Variants in NALF2 observed in about 807,000 individuals in gnomAD.
NALF2 encodes the protein NALCN channel auxiliary factor 2.
A neutral mutation model predicts 24.8 loss-of-function variants in NALF2; 1 was observed. The ratio of observed to expected loss-of-function variants is 0.04; its 90% CI spans 0.01 to 0.19. The LOEUF is 0.19. Ranked by LOEUF, NALF2 falls within the 10% of genes least tolerant of loss-of-function variation. The probability of loss-of-function intolerance (pLI) is 1.00; values close to 1 mark genes in which losing one functional copy is unlikely to be tolerated. For missense variants in NALF2, 458 were observed against 409.6 expected, an observed-to-expected ratio of 1.12 and a Z score of -1.02; for synonymous variants, 254 against 189.8, an observed-to-expected ratio of 1.34 and a Z score of -2.78.
chrX:69,527,805 G>A (rs796537848), intron 1 of NALF2, among the ~76,000 whole-genome samples: 1 of 111,068 alleles, frequency 9.0e-6, no homozygotes, highest in African/African-American at 3.3e-5. Context: ...TTGGCAGGTC[G>A]GGGGTGGAGC....
intron 1 of NALF2, among the ~76,000 whole-genome samples, chrX:69,521,710 A>AAC (rs776839895): frequency 8.0e-5 from 9 of 112,308 alleles, no homozygotes; most frequent in Non-Finnish European, 1.3e-4. Context: ...ATTTCCACTG[A>AAC]ATATATATTG....
chrX:69,505,355 T>C lies in NALF2; in HGVS notation c.73T>C (p.Trp25Arg). The change falls in exon 1 of 3, where the codon TGG becomes CGG. Residue 25 changes from tryptophan to arginine, a missense_variant. Transcript: ENST00000252338. ...GACTATCTGCTGCTGCTGCTGCTGC[T>C]GGGCTCCCAGGCCGAGCGACAAACC... ...ALTICCCCCC[W>R]APRPSDKPCA... The C allele has an allele frequency of 8.7e-7, 1 of 1,155,916 alleles. No homozygotes were observed. Among genetic ancestry groups the C allele is most frequent in the Non-Finnish European group, 1.2e-6 (1 of 867,894 alleles).
intron 1 of NALF2, among the ~76,000 whole-genome samples, chrX:69,526,700 T>C (rs1322424334): frequency 9.0e-6 from 1 of 110,716 alleles, no homozygotes. Context: ...GGAGATCCTC[T>C]CTGAGGAGAG....
intron 1 of NALF2, 123 bp from the exon 2 acceptor site, chrX:69,528,870 C>T (rs990528288): frequency 1.2e-5 from 8 of 653,723 alleles, no homozygotes; most frequent in Non-Finnish European, 1.8e-5. Flanking sequence ...CTCTCTACCC[C>T]CTGGATCTTG....
intron 1 of NALF2, among the ~76,000 whole-genome samples, chrX:69,511,402 A>C (rs1930580962): frequency 1.9e-5 from 2 of 107,722 alleles, no homozygotes; most frequent in African/African-American, 6.8e-5. Context: ...CCTCTCTTCC[A>C]CCCTCTTTCC....
chrX:69,520,256 GTGTC>G (rs1341953486), intron 1 of NALF2, among the ~76,000 whole-genome samples: 4 of 112,077 alleles, frequency 3.6e-5, no homozygotes, highest in Non-Finnish European at 7.5e-5. Context: ...CTCATGATAC[GTGTC>G]TGAAACAGGT....
At position 69,531,857 on chromosome X, in the gene NALF2, G is replaced by C. The variant is rs1452411271; in HGVS notation, c.*1901G>C. 1 of 112,016 alleles carries C rather than the reference G, an allele frequency of 8.9e-6. No homozygotes were observed. The highest frequency in any genetic ancestry group is 1.9e-5 in the Non-Finnish European group (1 of 53,156). The allele number at this position is 112,016 out of a possible 1,213,427, so 9.2% of individuals were successfully genotyped here. On this transcript the variant is annotated 3_prime_UTR_variant, in exon 3 of 3. Transcript: ENST00000252338. The stretch of plus-strand genomic sequence containing the variant: ...GAGTGCTCTTTTCAGCTGGGGAGGG[G>C]AAGAGGTGCTGGCTCCTTTCCAGAC...
intron 2 of NALF2, 69 bp downstream of exon 2, chrX:69,529,233 TGGGAGCA>T (rs1930856930): frequency 1.9e-6 from 2 of 1,074,898 alleles, no homozygotes; most frequent in Non-Finnish European, 2.5e-6. Flanking sequence ...TCAGAGGAGT[TGGGAGCA>T]GGGATAACAA....
intron 1 of NALF2, among the ~76,000 whole-genome samples, chrX:69,524,329 C>G (rs753405425): frequency 9.0e-6 from 1 of 110,550 alleles, no homozygotes; most frequent in South Asian, 3.9e-4. Flanking sequence ...TGGACTCAAG[C>G]AATCCACCAG....
At chrX:69,516,376 C>T (rs1431497584) in intron 1 of NALF2, among the ~76,000 whole-genome samples, 1 of 112,254 alleles carries the variant, frequency 8.9e-6, no homozygotes, top group Non-Finnish European at 1.9e-5. Context: ...CAGGTGGTGA[C>T]TTGTCCAAAT....
At chrX:69,511,147 C>T (rs1378695117) in intron 1 of NALF2, among the ~76,000 whole-genome samples, 2 of 109,635 alleles carry the variant, frequency 1.8e-5, no homozygotes. Flanking sequence ...CAGTTATCTC[C>T]ACCCCCTTCC....
intron 1 of NALF2, among the ~76,000 whole-genome samples, chrX:69,508,150 G>T (rs1338673812): frequency 9.0e-6 from 1 of 111,485 alleles, no homozygotes; most frequent in African/African-American, 3.3e-5. Context: ...CCACATCCTG[G>T]GTCTTTTGTG....
rs1214136128 is a variant in NALF2 at position 69,504,796 on chromosome X, GGGAGC to G, written c.-475_-471del. On this transcript the variant is annotated 5_prime_UTR_variant, in exon 1 of 3. Coordinates refer to ENST00000252338, the MANE Select transcript of NALF2 (RefSeq NM_015686.3). ...CGGGAGCGGAGCGGCGCGGGGCGAG[GGGAGC>G]GGAGCGGAGCGCGGCGGCGGGGCCC... Among the ~76,000 whole-genome samples the G allele has an allele frequency of 6.4e-5, 7 of 108,894 alleles. No homozygotes were observed. The highest frequency in any genetic ancestry group is 2.3e-4 in the African/African-American group (7 of 30,544). The allele number at this position is 108,894 out of a possible 115,157, so 94.6% of individuals were successfully genotyped here. A position where few individuals can be genotyped will look rare whatever the true frequency, so the allele number is the denominator to read the frequency against.
rs1044959512 is a variant in NALF2, at chrX:69,505,808, C to A, written c.526C>A (p.Pro176Thr). The A allele has an allele frequency of 8.3e-7, 1 of 1,211,034 alleles. No individual in the cohort carries two copies. Among genetic ancestry groups the A allele is most frequent in the Non-Finnish European group, 1.1e-6 (1 of 894,760 alleles). The change falls in exon 1 of 3, where the codon CCG becomes ACG. Residue 176 changes from proline (P) to threonine (T), a missense_variant. Pro to Thr is a conservative substitution (Grantham distance 38, BLOSUM62 -1). Coordinates refer to ENST00000252338, the MANE Select transcript of NALF2 (RefSeq NM_015686.3). ...GCCCCCTGACTCCCTTTCCCGTGCC[C>A]CGGCCGAGTTCCCCTCCGCCAAAAA... is the stretch of plus-strand genomic sequence containing the variant. The part of the protein sequence containing the change: ...LRPPDSLSRA[P>T]AEFPSAKKNL...
At chrX:69,526,952 A>G (rs1300793385) in intron 1 of NALF2, among the ~76,000 whole-genome samples, 1 of 112,404 alleles carries the variant, frequency 8.9e-6, no homozygotes, top group Non-Finnish European at 1.9e-5. Context: ...GGAGCAAAGG[A>G]GTAACATGAG....
intron 1 of NALF2, among the ~76,000 whole-genome samples, chrX:69,509,310 C>T (rs5981243): frequency 0.17 from 18,807 of 108,784 alleles, 1,295 homozygotes; most frequent in African/African-American, 0.18. Context: ...ACTGGACAAC[C>T]ACCACACTCC....
At chrX:69,516,191 A>C (rs1175863462) in intron 1 of NALF2, among the ~76,000 whole-genome samples, 1 of 112,118 alleles carries the variant, frequency 8.9e-6, no homozygotes, top group Non-Finnish European at 1.9e-5. Context: ...AACCAGTATG[A>C]GCAAACCTAG....
chrX:69,518,148 A>G (rs1930688209), intron 1 of NALF2, among the ~76,000 whole-genome samples: 1 of 111,277 alleles, frequency 9.0e-6, no homozygotes, highest in Non-Finnish European at 1.9e-5. Flanking sequence ...GGGACCCCTC[A>G]TTAGCTCTGT....
rs1930416300 is a variant in NALF2, at chrX:69,504,551, G to C, written c.-732G>C. ...GCACTAAGTAAAGCCCGGTGTCTGC[G>C]TCCGGCGCCTGTGGCGCTGCCGGGA... On this transcript the variant is annotated 5_prime_UTR_variant, in exon 1 of 3. Coordinates refer to ENST00000252338, the MANE Select transcript of NALF2 (RefSeq NM_015686.3). Among the ~76,000 whole-genome samples, 1 of 113,122 alleles carries C rather than the reference G, an allele frequency of 8.8e-6. No individual in the cohort carries two copies. Among genetic ancestry groups the C allele is most frequent in the Non-Finnish European group, 1.9e-5 (1 of 53,169 alleles).
Sources: allele counts gnomAD v4.1 joint callset (sites outside exome capture counted in the v4.1 genomes callset), GRCh38; gene constraint gnomAD v4.1.1; transcripts MANE v1.5; gene names NCBI Gene and HGNC (gene_info 2026-07-23, HGNC 2026-07-21).